The following COL8A1 variants were observed in gnomAD, a reference collection of about 807,000 sequenced individuals.
COL8A1 encodes collagen type VIII alpha 1 chain.
In COL8A1, 21 loss-of-function variants were observed where a neutral mutation model predicts 42.7. The observed-to-expected ratio is 0.49, with a 90% confidence interval of 0.35 to 0.71. The LOEUF (loss-of-function observed/expected upper bound fraction) is 0.71. Among genes scored for constraint, COL8A1 ranks in the 30% least tolerant of loss-of-function variants. The pLI is 0.01. For missense variants in COL8A1, 788 were observed against 962.4 expected (o/e 0.82, Z 2.40); for synonymous variants, 367 against 369.1 (o/e 0.99, Z 0.06).
intron 2 of COL8A1, among the ~76,000 whole-genome samples, chr3:99,777,673 G>T (rs542316964): frequency 2.0e-5 from 3 of 152,164 alleles, no homozygotes; most frequent in Non-Finnish European, 4.4e-5. Flanking sequence ...TTTCCCAGAC[G>T]TTTTTCTAGT....
At chr3:99,647,233 C>T (rs1026069393) in intron 1 of COL8A1, among the ~76,000 whole-genome samples, 3 of 152,124 alleles carry the variant, frequency 2.0e-5, no homozygotes, top group Non-Finnish European at 2.9e-5. Context: ...TGATATTCTA[C>T]GGAACAGCTT....
At position 99,715,777 on chromosome 3, in the gene COL8A1, G is replaced by A. The variant is rs377114561; in HGVS notation, c.-128-29120G>A. Among the ~76,000 whole-genome samples, 4 of 151,968 alleles carry A rather than the reference G, an allele frequency of 2.6e-5. No individual in the cohort carries two copies. In the South Asian group the frequency reaches 6.2e-4, roughly 24 times the overall value. On this transcript the variant is annotated intron_variant, in intron 1 of 3. Transcript: ENST00000652472. ...CTTTTTATTTTGCAGTCCTCCCCTC[G>A]AAATGAATGATTTTATTGCATCACT...
At chr3:99,777,364 C>T (rs1209665230) in intron 2 of COL8A1, among the ~76,000 whole-genome samples, 1 of 152,138 alleles carries the variant, frequency 6.6e-6, no homozygotes, top group Non-Finnish European at 1.5e-5. Context: ...TCCCAGCTCT[C>T]AGAGTTAGAA....
intron 1 of COL8A1, among the ~76,000 whole-genome samples, chr3:99,647,354 T>C (rs1449099849): frequency 6.6e-6 from 1 of 152,158 alleles, no homozygotes; most frequent in East Asian, 1.9e-4. Context: ...CACTCTAAGA[T>C]ATGTAGAGAG....
At chr3:99,757,607 T>C (rs1463334611) in intron 2 of COL8A1, among the ~76,000 whole-genome samples, 1 of 152,180 alleles carries the variant, frequency 6.6e-6, no homozygotes, top group Non-Finnish European at 1.5e-5. Context: ...CTTATATCAG[T>C]TCATTTACCT....
intron 2 of COL8A1, among the ~76,000 whole-genome samples, chr3:99,765,429 C>T (rs1941445888): frequency 6.6e-6 from 1 of 152,166 alleles, no homozygotes; most frequent in Admixed American, 6.5e-5. Flanking sequence ...GTTTTGTTTA[C>T]ACTCTACAAT....
chr3:99,750,098 C>T (rs1389967527), intron 2 of COL8A1, among the ~76,000 whole-genome samples: 1 of 125,430 alleles, frequency 8.0e-6, no homozygotes, highest in Non-Finnish European at 1.6e-5. Context: ...GCTCTGTTGC[C>T]ACGGCTGGAG....
intron 1 of COL8A1, among the ~76,000 whole-genome samples, chr3:99,711,442 C>T (rs1274638327): frequency 3.3e-5 from 5 of 152,152 alleles, no homozygotes; most frequent in Admixed American, 2.6e-4. Flanking sequence ...AACCCATTCT[C>T]GCCTTTCTTT....
At chr3:99,738,059 C>T (rs2107396490) in intron 1 of COL8A1, among the ~76,000 whole-genome samples, 1 of 152,232 alleles carries the variant, frequency 6.6e-6, no homozygotes, top group African/African-American at 2.4e-5. Flanking sequence ...GTTCTCGAGC[C>T]TTGGTTTTCA....
chr3:99,704,758 G>A (rs879663650), intron 1 of COL8A1, among the ~76,000 whole-genome samples: 16 of 152,114 alleles, frequency 1.1e-4, no homozygotes, highest in Non-Finnish European at 2.1e-4. Context: ...CTTATAAAGT[G>A]CATACTTTGT....
At chr3:99,670,462 C>T (rs1266315748) in intron 1 of COL8A1, among the ~76,000 whole-genome samples, 2 of 151,742 alleles carry the variant, frequency 1.3e-5, no homozygotes, top group Non-Finnish European at 2.9e-5. Context: ...GTAAAGATAC[C>T]CTTTTTCTTA....
intron 2 of COL8A1, among the ~76,000 whole-genome samples, chr3:99,785,352 A>T (rs1221938413): frequency 1.3e-5 from 2 of 152,240 alleles, no homozygotes; most frequent in Non-Finnish European, 2.9e-5. Flanking sequence ...AATATTGAGA[A>T]GTCAAATTAT....
At chr3:99,717,991 C>T (rs498411) in intron 1 of COL8A1, among the ~76,000 whole-genome samples, 72,802 of 151,776 alleles carry the variant, frequency 0.48, 17,724 homozygotes, top group East Asian at 0.63. Context: ...ATCTCACAAA[C>T]GTCCATTCCA....
At chr3:99,701,792 T>C (rs527814487) in intron 1 of COL8A1, among the ~76,000 whole-genome samples, 65 of 152,314 alleles carry the variant, frequency 4.3e-4, no homozygotes, top group African/African-American at 1.4e-3. Flanking sequence ...AATATTAATA[T>C]TTCTTAATTG....
intron 1 of COL8A1, chr3:99,680,562 A>G (rs973800316): frequency 6.6e-6 from 1 of 152,146 alleles, no homozygotes; most frequent in African/African-American, 2.4e-5. Context: ...ATCCTTGAGG[A>G]ATCGCCACAC....
intron 1 of COL8A1, among the ~76,000 whole-genome samples, chr3:99,723,003 T>TTGTGTGTGTGTGTGTG (rs34062497): frequency 2.7e-5 from 4 of 147,186 alleles, no homozygotes; most frequent in African/African-American, 1.0e-4. Flanking sequence ...GAGACCAAAG[T>TTGTGTGTGTGTGTGTG]TGTGTGTGTG....
intron 1 of COL8A1, among the ~76,000 whole-genome samples, chr3:99,744,336 T>C (rs963553974): frequency 6.6e-6 from 1 of 152,202 alleles, no homozygotes; most frequent in Non-Finnish European, 1.5e-5. Flanking sequence ...TGGAGACAAG[T>C]CCCATATGCT....
At chr3:99,772,769 A>C (rs1941605128) in intron 2 of COL8A1, among the ~76,000 whole-genome samples, 1 of 152,184 alleles carries the variant, frequency 6.6e-6, no homozygotes, top group Non-Finnish European at 1.5e-5. Context: ...AGGGCTCACC[A>C]AACAATGGCC....
In COL8A1 at chr3:99,647,607, G is replaced by A. The variant is rs556443215; in HGVS notation, c.-129+8943G>A. On this transcript the variant is annotated intron_variant, in intron 1 of 3. Transcript: ENST00000652472. Reference sequence around the variant, plus strand: ...TCTGGATACTGTATAGAGAGAAGCGGCCAACAATGAGCAATAAGTTCAATA... The same window carrying A: ...TCTGGATACTGTATAGAGAGAAGCGACCAACAATGAGCAATAAGTTCAATA... Among the ~76,000 whole-genome samples the A allele has an allele frequency of 3.3e-5, 5 of 152,114 alleles. No individual in the cohort carries two copies. The South Asian group carries it at 1.0e-3, about 32-fold the overall frequency.
Sources: gnomAD v4.1 joint callset for allele counts (sites outside exome capture counted in the v4.1 genomes callset) on GRCh38, gnomAD v4.1.1 for gene constraint, MANE v1.5 for transcripts, NCBI Gene and HGNC (gene_info 2026-07-23, HGNC 2026-07-21) for gene names.